The following PHF14 variants were observed in gnomAD, a reference collection of about 807,000 sequenced individuals.
PHF14 encodes PHD finger protein 14.
In PHF14, 55 loss-of-function variants were observed where a neutral mutation model predicts 117.9. That is an observed-to-expected ratio of 0.47 (90% CI 0.38 to 0.58). PHF14 has a LOEUF of 0.58. Among genes scored for constraint, PHF14 ranks in the 20% least tolerant of loss-of-function variants. PHF14 has a pLI of 0.00. For missense variants in PHF14, 978 were observed against 1,122.2 expected, an observed-to-expected ratio of 0.87 and a Z score of 1.84; for synonymous variants, 409 against 368.6, an observed-to-expected ratio of 1.11 and a Z score of -1.26.
intron 16 of PHF14, among the ~76,000 whole-genome samples, chr7:11,093,222 C>T (rs1050019407): frequency 6.6e-6 from 1 of 152,156 alleles, no homozygotes; most frequent in Non-Finnish European, 1.5e-5. Context: ...TCCGTCATCC[C>T]AGAGTTTGTT....
At chr7:11,106,960 A>G in intron 16 of PHF14, 1 of 984,188 alleles carries the variant, frequency 1.0e-6, no homozygotes, top group Non-Finnish European at 1.2e-6. Context: ...CAACTTGATC[A>G]TAAAAATGTA....
chr7:10,975,929 T>C (rs796231525), intron 2 of PHF14, among the ~76,000 whole-genome samples: 15 of 152,302 alleles, frequency 9.8e-5, no homozygotes, highest in African/African-American at 3.4e-4. Context: ...TTACTGTTGC[T>C]ACTTTTAGTA....
intron 17 of PHF14, among the ~76,000 whole-genome samples, chr7:11,134,940 G>C (rs895478743): frequency 1.3e-5 from 2 of 151,992 alleles, no homozygotes; most frequent in African/African-American, 4.8e-5. Context: ...ATGAATACTT[G>C]CACATAAACA....
chr7:11,168,849 TA>T (rs1789285830), intron 17 of PHF14, among the ~76,000 whole-genome samples: 1 of 152,180 alleles, frequency 6.6e-6, no homozygotes, highest in East Asian at 1.9e-4. Context: ...TCATTTCATC[TA>T]TTCACCATGT....
intron 4 of PHF14, among the ~76,000 whole-genome samples, chr7:11,000,930 G>A (rs1335190119): frequency 1.3e-5 from 2 of 151,852 alleles, no homozygotes; most frequent in East Asian, 3.9e-4. Flanking sequence ...CTAAAAAGTC[G>A]TTACTATGCC....
At chr7:11,040,609 A>G (rs1782047552) in intron 11 of PHF14, 63 bp from the exon 12 acceptor site, 1 of 759,698 alleles carries the variant, frequency 1.3e-6, no homozygotes, top group Non-Finnish European at 2.0e-6. Context: ...TGGCAATTAG[A>G]GGAAAATGTT....
chr7:11,025,575 C>T (rs1034772664), intron 6 of PHF14, among the ~76,000 whole-genome samples: 4 of 151,980 alleles, frequency 2.6e-5, no homozygotes, highest in Admixed American at 6.6e-5. Flanking sequence ...GGGTGGATCA[C>T]GAGATCAGGA....
At chr7:11,047,729 T>A (rs991487249) in intron 13 of PHF14, among the ~76,000 whole-genome samples, 1 of 150,108 alleles carries the variant, frequency 6.7e-6, no homozygotes, top group Non-Finnish European at 1.5e-5. Context: ...GAGGCTACAA[T>A]GAGCTGAGAT....
chr7:11,073,201 A>C (rs999509793), intron 16 of PHF14, among the ~76,000 whole-genome samples: 1 of 152,170 alleles, frequency 6.6e-6, no homozygotes, highest in Non-Finnish European at 1.5e-5. Context: ...TCCAAAATCC[A>C]GTGTCTTACT....
At chr7:11,003,532 C>T (rs937147740) in intron 4 of PHF14, among the ~76,000 whole-genome samples, 2 of 151,942 alleles carry the variant, frequency 1.3e-5, no homozygotes, top group Admixed American at 1.3e-4. Context: ...TTATGGGATA[C>T]ATATAGATAG....
chr7:10,985,818 C>T (rs1171916770), intron 3 of PHF14, among the ~76,000 whole-genome samples: 1 of 151,376 alleles, frequency 6.6e-6, no homozygotes. Context: ...ATGCCCAGCA[C>T]ATTTTTGTAT....
intron 17 of PHF14, among the ~76,000 whole-genome samples, chr7:11,138,216 A>G (rs1788292420): frequency 6.6e-6 from 1 of 151,408 alleles, no homozygotes; most frequent in South Asian, 2.1e-4. Context: ...AATTTTTTGT[A>G]TTTTTTAGTA....
chr7:11,051,947 C>G (rs1199944851), intron 14 of PHF14, among the ~76,000 whole-genome samples, 167 bp downstream of exon 14: 1 of 152,032 alleles, frequency 6.6e-6, no homozygotes, highest in East Asian at 1.9e-4. Context: ...CACATGCTTA[C>G]CTGAGTGTTT....
chr7:10,991,366 T>TG (rs923855469), intron 4 of PHF14, among the ~76,000 whole-genome samples: 34 of 151,942 alleles, frequency 2.2e-4, no homozygotes, highest in African/African-American at 8.2e-4. Context: ...TTAGTAGAGA[T>TG]GGAGTTTCAC....
intron 2 of PHF14, among the ~76,000 whole-genome samples, chr7:10,980,916 C>T (rs949620556): frequency 2.0e-5 from 3 of 152,074 alleles, no homozygotes; most frequent in African/African-American, 7.2e-5. Flanking sequence ...GCTCTTGTAT[C>T]CTATGCAAGG....
intron 4 of PHF14, among the ~76,000 whole-genome samples, chr7:10,996,957 G>T (rs1391999082): frequency 2.6e-5 from 4 of 152,182 alleles, no homozygotes; most frequent in Non-Finnish European, 5.9e-5. Context: ...TTAGTGGACA[G>T]AGTAGGTATC....
intron 2 of PHF14, among the ~76,000 whole-genome samples, chr7:10,979,402 T>C (rs1277051680): frequency 6.6e-6 from 1 of 151,996 alleles, no homozygotes; most frequent in Non-Finnish European, 1.5e-5. Context: ...AGAAAGGTTA[T>C]CTTTTATTTA....
At chr7:11,121,575 T>G (rs1269833461) in intron 17 of PHF14, among the ~76,000 whole-genome samples, 1 of 152,118 alleles carries the variant, frequency 6.6e-6, no homozygotes, top group East Asian at 1.9e-4. Flanking sequence ...GGCTTCCCTT[T>G]GGCATATCAA....
intron 17 of PHF14, among the ~76,000 whole-genome samples, chr7:11,154,448 G>A (rs1051210289): frequency 6.6e-6 from 1 of 152,030 alleles, no homozygotes; most frequent in Non-Finnish European, 1.5e-5. Flanking sequence ...GCCTGCTTTC[G>A]TTTAAGCAAC....
Sources: allele counts gnomAD v4.1 joint callset (sites outside exome capture counted in the v4.1 genomes callset), GRCh38; gene constraint gnomAD v4.1.1; transcripts MANE v1.5; gene names NCBI Gene and HGNC (gene_info 2026-07-23, HGNC 2026-07-21).